TNPO1: variants seen among roughly 807,000 people sequenced by gnomAD.
TNPO1 encodes transportin 1.
TNPO1 carries 8 observed loss-of-function variants against 119.5 expected under a neutral mutation model. That is an observed-to-expected ratio of 0.07 (90% CI 0.04 to 0.12). The LOEUF (loss-of-function observed/expected upper bound fraction) is 0.12. TNPO1 is among the 10% of genes least tolerant of loss of function. The pLI is 1.00. For missense variants in TNPO1, 576 were observed against 1,089.8 expected, an observed-to-expected ratio of 0.53 and a Z score of 6.64; for synonymous variants, 362 against 363.0, an observed-to-expected ratio of 1.00 and a Z score of 0.03.
At chr5:72,830,225 AGG>A (rs1390272391) in intron 1 of TNPO1, among the ~76,000 whole-genome samples, 2 of 152,082 alleles carry the variant, frequency 1.3e-5, no homozygotes, top group Non-Finnish European at 2.9e-5. Flanking sequence ...GACTTTTGTT[AGG>A]TACGTGGCAG....
chr5:72,897,832 A>G (rs1406427199), intron 20 of TNPO1, among the ~76,000 whole-genome samples: 14 of 152,058 alleles, frequency 9.2e-5, no homozygotes, highest in Admixed American at 9.2e-4. Flanking sequence ...TTTACATACT[A>G]AGATGATTCC....
intron 14 of TNPO1, 125 bp from the exon 15 acceptor site, chr5:72,891,685 C>T (rs1461546877): frequency 3.0e-5 from 21 of 689,314 alleles, no homozygotes; most frequent in Non-Finnish European, 4.7e-5. Flanking sequence ...AAGAATGACT[C>T]TTAAAATGCC....
chr5:72,876,830 C>T (rs1194355726), intron 8 of TNPO1, among the ~76,000 whole-genome samples: 1 of 152,058 alleles, frequency 6.6e-6, no homozygotes, highest in African/African-American at 2.4e-5. Flanking sequence ...TGCGGTGGCT[C>T]ACACCTGTAA....
intron 13 of TNPO1, 33 bp from the exon 14 acceptor site, chr5:72,889,753 C>G (rs367956385): frequency 1.3e-6 from 2 of 1,544,594 alleles, no homozygotes; most frequent in African/African-American, 2.8e-5. Context: ...ATCTTACAGT[C>G]AATAAGTATT....
chr5:72,907,904 A>C (rs1750283419), intron 24 of TNPO1, among the ~76,000 whole-genome samples: 1 of 151,932 alleles, frequency 6.6e-6, no homozygotes, highest in Non-Finnish European at 1.5e-5. Context: ...AAAGAAAAAA[A>C]TGAGCTGGGC....
Position 72,838,096 on chromosome 5 carries a change from CT to C in TNPO1, c.16-10281del, listed in dbSNP as rs1580374275. Among the ~76,000 whole-genome samples the C allele has an allele frequency of 2.0e-5, 3 of 152,080 alleles. No individual in the cohort carries two copies. The South Asian group carries it at 6.2e-4, about 31-fold the overall frequency. On this transcript the variant is annotated intron_variant, in intron 1 of 24. Coordinates refer to ENST00000337273, the MANE Select transcript of TNPO1 (RefSeq NM_002270.4). ...GCTAATCAGCCTACTAACCACTTAA[CT>C]TTTTTTTAACCTTTCTATTTTGCTA...
chr5:72,907,678 C>CAAGTGACTG (rs1272598041), intron 24 of TNPO1, among the ~76,000 whole-genome samples: 1 of 152,062 alleles, frequency 6.6e-6, no homozygotes, highest in Non-Finnish European at 1.5e-5. Flanking sequence ...CCAGAAAAAC[C>CAAGTGACTG]AAGTGACTGG....
intron 1 of TNPO1, among the ~76,000 whole-genome samples, chr5:72,832,769 G>C (rs1347846681): frequency 2.6e-5 from 4 of 152,134 alleles, no homozygotes; most frequent in Non-Finnish European, 5.9e-5. Context: ...AAAAGATAGG[G>C]GAAGAGAGGA....
Position 72,906,157 on chromosome 5 carries a change from A to G in TNPO1, c.*35+712A>G, listed in dbSNP as rs147546836. On this transcript the variant is annotated intron_variant, in intron 24 of 24. Coordinates refer to ENST00000337273, the MANE Select transcript of TNPO1 (RefSeq NM_002270.4). Reference sequence around the variant, plus strand: ...ATGAATTTATAGTCTCTGCTGTAACAAGGACTTTTCATTTCACGTGCTTTG... The same window carrying G: ...ATGAATTTATAGTCTCTGCTGTAACGAGGACTTTTCATTTCACGTGCTTTG... Among the ~76,000 whole-genome samples, 305 of 151,924 alleles carry G rather than the reference A, an allele frequency of 2.0e-3. 3 individuals carry two copies. The highest frequency in any genetic ancestry group is 7.1e-3 in the African/African-American group (293 of 41,364).
At chr5:72,899,975 G>A in intron 20 of TNPO1, 31 bp from the exon 21 acceptor site, 2 of 1,599,502 alleles carry the variant, frequency 1.3e-6, no homozygotes, top group Non-Finnish European at 1.7e-6. Context: ...TTGGCGTTTG[G>A]TGGTGTATAA....
At chr5:72,851,757 G>A (rs1580393488) in intron 3 of TNPO1, among the ~76,000 whole-genome samples, 1 of 152,338 alleles carries the variant, frequency 6.6e-6, no homozygotes, top group East Asian at 1.9e-4. Flanking sequence ...GTCTCCCAAA[G>A]TGCTCGGATT....
chr5:72,848,915 G>C (rs1195095551), intron 2 of TNPO1, among the ~76,000 whole-genome samples: 1 of 151,728 alleles, frequency 6.6e-6, no homozygotes, highest in Non-Finnish European at 1.5e-5. Context: ...GTGGCAGGCC[G>C]AGCGGGAGGC....
intron 19 of TNPO1, among the ~76,000 whole-genome samples, 169 bp from the exon 20 acceptor site, chr5:72,896,887 T>C (rs900369363): frequency 6.6e-6 from 1 of 152,184 alleles, no homozygotes; most frequent in Non-Finnish European, 1.5e-5. Context: ...AAATAAAATA[T>C]AAATTTTTAG....
intron 1 of TNPO1, among the ~76,000 whole-genome samples, chr5:72,841,119 CTTT>C (rs1193958768): frequency 1.4e-5 from 2 of 142,556 alleles, no homozygotes; most frequent in Non-Finnish European, 1.5e-5. Context: ...GACTCTCTCT[CTTT>C]TTTTTTTTTT....
intron 1 of TNPO1, among the ~76,000 whole-genome samples, chr5:72,837,730 G>A (rs1037705374): frequency 3.9e-5 from 6 of 152,086 alleles, no homozygotes; most frequent in Non-Finnish European, 7.4e-5. Context: ...TAGTGTGCAG[G>A]GAACAAACAT....
chr5:72,878,837 A>G, intron 9 of TNPO1: 1 of 431,148 alleles, frequency 2.3e-6, no homozygotes, highest in South Asian at 1.9e-5. Context: ...AAGAGCAGAA[A>G]TCCGCTTTTA....
chr5:72,827,348 TGGG>T (rs942073932), intron 1 of TNPO1, among the ~76,000 whole-genome samples: 1 of 152,040 alleles, frequency 6.6e-6, no homozygotes, highest in Non-Finnish European at 1.5e-5. Flanking sequence ...AAGATTTTGA[TGGG>T]GGGAATACAT....
chr5:72,884,559 T>C (rs541378688), intron 11 of TNPO1, among the ~76,000 whole-genome samples: 3 of 152,328 alleles, frequency 2.0e-5, no homozygotes, highest in East Asian at 3.9e-4. Context: ...TCTTAAAATA[T>C]GTTAATTTCC....
At chr5:72,908,428 A>G (rs891954559) in intron 24 of TNPO1, among the ~76,000 whole-genome samples, 19 of 152,172 alleles carry the variant, frequency 1.2e-4, no homozygotes, top group African/African-American at 4.3e-4. Flanking sequence ...GCATCATACG[A>G]GGCATATTTC....
Sources: allele counts gnomAD v4.1 joint callset (sites outside exome capture counted in the v4.1 genomes callset), GRCh38; gene constraint gnomAD v4.1.1; transcripts MANE v1.5; gene names NCBI Gene and HGNC (gene_info 2026-07-23, HGNC 2026-07-21).